Variants in TCF7L2 observed in about 807,000 individuals in gnomAD.
TCF7L2 encodes transcription factor 7 like 2, also known as transcription factor 7-like 2.
A neutral mutation model predicts 77.9 loss-of-function variants in TCF7L2; 23 were observed. That is an observed-to-expected ratio of 0.30 (90% CI 0.21 to 0.42). The LOEUF is 0.42. Ranked by LOEUF, TCF7L2 falls within the 10% of genes least tolerant of loss-of-function variation. The pLI is 1.00. For missense variants in TCF7L2, 654 were observed against 793.1 expected (o/e 0.82, Z 2.11); for synonymous variants, 413 against 340.2 (o/e 1.21, Z -2.36).
chr10:113,143,309 A>G (rs1423954350), intron 6 of TCF7L2, among the ~76,000 whole-genome samples: 2 of 152,258 alleles, frequency 1.3e-5, no homozygotes, highest in African/African-American at 4.8e-5. Context: ...AATGGAGTAC[A>G]CAAGCCTCCA....
At chr10:113,075,988 T>G (rs1190994863) in intron 5 of TCF7L2, among the ~76,000 whole-genome samples, 3 of 151,812 alleles carry the variant, frequency 2.0e-5, no homozygotes, top group African/African-American at 7.3e-5. Context: ...ATACAAAAAT[T>G]AGCCAGGCGT....
At chr10:113,035,816 C>T (rs2051085921) in intron 4 of TCF7L2, among the ~76,000 whole-genome samples, 1 of 152,168 alleles carries the variant, frequency 6.6e-6, no homozygotes, top group African/African-American at 2.4e-5. Context: ...GGAGCACAGC[C>T]ATGATACAAG....
At chr10:113,143,641 A>G (rs2068773273) in intron 6 of TCF7L2, among the ~76,000 whole-genome samples, 2 of 152,214 alleles carry the variant, frequency 1.3e-5, no homozygotes, top group African/African-American at 4.8e-5. Flanking sequence ...ACTTGAAACA[A>G]TCACACCAGT....
intron 4 of TCF7L2, among the ~76,000 whole-genome samples, chr10:112,984,557 C>T (rs1413728736): frequency 6.6e-6 from 1 of 152,014 alleles, no homozygotes; most frequent in Non-Finnish European, 1.5e-5. Flanking sequence ...CTTTTAAGTC[C>T]CCTCCCTCTA....
At chr10:113,102,392 G>T (rs944196263) in intron 5 of TCF7L2, among the ~76,000 whole-genome samples, 3 of 151,526 alleles carry the variant, frequency 2.0e-5, no homozygotes, top group South Asian at 2.1e-4. Context: ...CATGGAAACT[G>T]GCAAACATCT....
rs148730737 is a variant in TCF7L2, at chr10:113,165,263, C to T, written c.1392-292C>T. On this transcript the variant is annotated intron_variant, in intron 13 of 13. Transcript: ENST00000627217. ...CAGGTGGCCGCCTCCATGCTGCTCT[C>T]GTATATAATTTGGGCATGGTGGGGC... Among the ~76,000 whole-genome samples, 743 of 152,268 alleles carry T rather than the reference C, an allele frequency of 4.9e-3. 3 individuals carry two copies. Among genetic ancestry groups the T allele is most frequent in the Admixed American group, 7.5e-3 (114 of 15,300 alleles).
At chr10:112,985,860 TTGTGTGTGTGTG>T (rs61481377) in intron 4 of TCF7L2, among the ~76,000 whole-genome samples, 5 of 146,608 alleles carry the variant, frequency 3.4e-5, no homozygotes, top group African/African-American at 7.6e-5. Flanking sequence ...AGCCTGTAGT[TTGTGTGTGTGTG>T]TGTGTGTGTG....
At chr10:113,072,377 T>C (rs1360076842) in intron 5 of TCF7L2, among the ~76,000 whole-genome samples, 2 of 145,274 alleles carry the variant, frequency 1.4e-5, no homozygotes, top group Non-Finnish European at 3.0e-5. Context: ...TCTTTTGAGA[T>C]GGAGTTTTGC....
chr10:113,027,748 C>T (rs1423041783), intron 4 of TCF7L2, among the ~76,000 whole-genome samples: 2 of 152,076 alleles, frequency 1.3e-5, no homozygotes, highest in African/African-American at 4.8e-5. Flanking sequence ...CTCTTCTTTT[C>T]GACCCTCCTT....
At chr10:112,974,349 A>G (rs1379422600) in intron 4 of TCF7L2, among the ~76,000 whole-genome samples, 3 of 152,212 alleles carry the variant, frequency 2.0e-5, no homozygotes, top group Non-Finnish European at 4.4e-5. Flanking sequence ...AAAGAAAAAA[A>G]CAACTGTCGT....
intron 5 of TCF7L2, among the ~76,000 whole-genome samples, chr10:113,117,664 A>G (rs1295435900): frequency 1.3e-5 from 2 of 152,234 alleles, no homozygotes; most frequent in South Asian, 2.1e-4. Context: ...CGCTTAGTCA[A>G]TGCCGGGAAA....
intron 5 of TCF7L2, among the ~76,000 whole-genome samples, chr10:113,139,932 G>A (rs2068051618): frequency 6.6e-6 from 1 of 151,962 alleles, no homozygotes; most frequent in South Asian, 2.1e-4. Context: ...TTCTTTTAAT[G>A]CAATTCCTTT....
intron 4 of TCF7L2, among the ~76,000 whole-genome samples, chr10:113,025,232 T>C (rs1409596033): frequency 1.3e-5 from 2 of 150,006 alleles, no homozygotes; most frequent in African/African-American, 4.9e-5. Flanking sequence ...TTTTTTTTTT[T>C]TTTTTTTTTG....
chr10:113,094,585 A>G (rs1336438962), intron 5 of TCF7L2, among the ~76,000 whole-genome samples: 1 of 152,194 alleles, frequency 6.6e-6, no homozygotes, highest in East Asian at 1.9e-4. Context: ...CCAAAGAAAT[A>G]CCCCTCCAAG....
At chr10:113,012,178 A>T (rs1219456140) in intron 4 of TCF7L2, among the ~76,000 whole-genome samples, 2 of 152,186 alleles carry the variant, frequency 1.3e-5, no homozygotes, top group Non-Finnish European at 2.9e-5. Flanking sequence ...TCCCATTCCA[A>T]CTAGATCAGA....
chr10:113,116,211 C>T (rs764289600), intron 5 of TCF7L2, among the ~76,000 whole-genome samples: 1 of 152,078 alleles, frequency 6.6e-6, no homozygotes, highest in South Asian at 2.1e-4. Context: ...TCCCCTTCCC[C>T]TTTTGTAGGT....
Position 113,167,187 on chromosome 10 carries a change from A to G in TCF7L2, c.*1215A>G. 1 of 229,388 alleles carries G rather than the reference A, an allele frequency of 4.4e-6. No individual in the cohort carries two copies. The highest frequency in any genetic ancestry group is 8.6e-6 in the Non-Finnish European group (1 of 115,702). 14.2% of individuals were successfully genotyped at this position (229,388 alleles called of 1,614,324 possible). ...TTTGTATGTAGTTTTAATGTCACCT[A>G]TAACAAAATGTGTTTGGTAGCAGAT... On this transcript the variant is annotated 3_prime_UTR_variant, in exon 14 of 14. Transcript: ENST00000627217.
At chr10:113,042,228 A>G (rs1465071421) in intron 5 of TCF7L2, among the ~76,000 whole-genome samples, 3 of 152,092 alleles carry the variant, frequency 2.0e-5, no homozygotes, top group African/African-American at 7.2e-5. Context: ...GGGTGCAGCA[A>G]GGGGGCTTAG....
At chr10:113,160,486 C>A in intron 12 of TCF7L2, 1 of 634,138 alleles carries the variant, frequency 1.6e-6, no homozygotes. Flanking sequence ...CCTTTCATGT[C>A]CTTGGTGAGG....
Sources: gnomAD v4.1 joint callset for allele counts (sites outside exome capture counted in the v4.1 genomes callset) on GRCh38, gnomAD v4.1.1 for gene constraint, MANE v1.5 for transcripts, NCBI Gene and HGNC (gene_info 2026-07-23, HGNC 2026-07-21) for gene names.